The following FOXP2 variants were observed in gnomAD, a reference collection of about 807,000 sequenced individuals.
The protein encoded by FOXP2 is forkhead box protein P2.
A neutral mutation model predicts 115.8 loss-of-function variants in FOXP2; 12 were observed. The ratio of observed to expected loss-of-function variants is 0.10; its 90% CI spans 0.07 to 0.17. The LOEUF is 0.17. FOXP2 is among the 10% of genes least tolerant of loss of function. The pLI is 1.00. For synonymous variants in FOXP2, 328 were observed against 297.7 expected, an observed-to-expected ratio of 1.10 and a Z score of -1.05; for missense variants, 629 against 843.5, an observed-to-expected ratio of 0.75 and a Z score of 3.15.
rs532254575 is a variant in FOXP2 at position 114,370,757 on chromosome 7, T to C, written c.-10-55745T>C. On this transcript the variant is annotated intron_variant, in intron 2 of 17. Coordinates refer to the FOXP2 transcript ENST00000634411. ...TCAATAACAATGCTAAATTTGTGGT[T>C]CTTTTAAATATTTTTGTTTTTTTAC... Among the ~76,000 whole-genome samples, 3 of 152,350 alleles carry C rather than the reference T, an allele frequency of 2.0e-5. No individual in the cohort carries two copies. The South Asian group carries it at 6.2e-4, about 32-fold the overall frequency.
chr7:114,548,767 A>T lies in FOXP2; in HGVS notation c.258+14061A>T, dbSNP rs1800057672. ...TTACTGCTGAATGTTGGCAGTGCTG[A>T]TGAGGGATTCTGATGGAACATATGT... On this transcript the variant is annotated intron_variant, in intron 3 of 16. Transcript: ENST00000350908. Among the ~76,000 whole-genome samples, 5 of 152,196 alleles carry T rather than the reference A, an allele frequency of 3.3e-5. 1 individual carries two copies. The South Asian group carries it at 1.0e-3, about 31-fold the overall frequency.
At chr7:114,267,496 A>G (rs1795921908) in intron 1 of FOXP2, among the ~76,000 whole-genome samples, 1 of 151,966 alleles carries the variant, frequency 6.6e-6, no homozygotes, top group South Asian at 2.1e-4. Flanking sequence ...TGGGAGGCCA[A>G]GGCAAGCAGA....
rs116217198 is a variant in FOXP2, at chr7:114,602,995, A to T, written c.259-25545A>T. Among the ~76,000 whole-genome samples, 1,522 of 152,288 alleles carry T rather than the reference A, an allele frequency of 1.0e-2. 19 individuals carry two copies. The highest frequency in any genetic ancestry group is 0.035 in the African/African-American group (1,450 of 41,574). ...ATAACACAAAAACGTTATGTTGACA[A>T]CTTGAGTACAAGACAATCATATTCT... On this transcript the variant is annotated intron_variant, in intron 3 of 16. Transcript: ENST00000350908.
At chr7:114,219,623 A>T (rs1238080215) in intron 1 of FOXP2, among the ~76,000 whole-genome samples, 1 of 152,078 alleles carries the variant, frequency 6.6e-6, no homozygotes, top group Non-Finnish European at 1.5e-5. Context: ...ATTTGTTTTT[A>T]TTAACAAGAC....
chr7:114,598,742 A>G (rs572394231), intron 3 of FOXP2, among the ~76,000 whole-genome samples: 2 of 152,246 alleles, frequency 1.3e-5, no homozygotes, highest in East Asian at 3.9e-4. Flanking sequence ...CCCATTAACA[A>G]CAAAAAGTAA....
intron 1 of FOXP2, among the ~76,000 whole-genome samples, chr7:114,235,917 A>G (rs753970401): frequency 6.6e-6 from 1 of 152,200 alleles, no homozygotes; most frequent in East Asian, 1.9e-4. Context: ...TTGATTTCCA[A>G]CTGGAAATAA....
intron 1 of FOXP2, among the ~76,000 whole-genome samples, chr7:114,150,706 A>C (rs1393764766): frequency 2.6e-5 from 4 of 152,056 alleles, no homozygotes; most frequent in Admixed American, 2.6e-4. Context: ...GAAAACTTTC[A>C]AAACTTCTTA....
At chr7:114,566,089 T>C (rs1483991268) in intron 3 of FOXP2, among the ~76,000 whole-genome samples, 1 of 152,120 alleles carries the variant, frequency 6.6e-6, no homozygotes, top group East Asian at 1.9e-4. Flanking sequence ...ACAGTTTCCA[T>C]CAGATATGAT....
intron 2 of FOXP2, among the ~76,000 whole-genome samples, chr7:114,330,874 T>C (rs1253511301): frequency 6.6e-6 from 1 of 152,214 alleles, no homozygotes; most frequent in Non-Finnish European, 1.5e-5. Context: ...GCACTGTTTA[T>C]AACAACAACT....
At chr7:114,688,247 A>ACAC in intron 16 of FOXP2, among the ~76,000 whole-genome samples, 1 of 71,570 alleles carries the variant, frequency 1.4e-5, no homozygotes, top group Non-Finnish European at 4.3e-5. Context: ...ACACACACAC[A>ACAC]TCTTTTTTTT....
At chr7:114,191,479 G>A (rs1467273478) in intron 1 of FOXP2, among the ~76,000 whole-genome samples, 1 of 152,162 alleles carries the variant, frequency 6.6e-6, no homozygotes, top group Non-Finnish European at 1.5e-5. Context: ...TTTCTCGAGA[G>A]ACGCATATAT....
chr7:114,498,796 T>TG (rs1054625870), intron 2 of FOXP2: 2 of 708,970 alleles, frequency 2.8e-6, no homozygotes, highest in Admixed American at 4.2e-5. Flanking sequence ...ATAATTTTTT[T>TG]GGGGGTATAT....
At chr7:114,397,146 G>A (rs1161617953) in intron 2 of FOXP2, among the ~76,000 whole-genome samples, 1 of 152,056 alleles carries the variant, frequency 6.6e-6, no homozygotes, top group Non-Finnish European at 1.5e-5. Flanking sequence ...ATTCGGAATA[G>A]TGAAGAGATT....
At chr7:114,676,475 T>A (rs192928354) in intron 16 of FOXP2, among the ~76,000 whole-genome samples, 68 of 152,260 alleles carry the variant, frequency 4.5e-4, no homozygotes, top group African/African-American at 1.6e-3. Context: ...TGAAATAAAA[T>A]CAGTTTCCAT....
intron 1 of FOXP2, among the ~76,000 whole-genome samples, chr7:114,197,434 C>T (rs1258569790): frequency 6.6e-6 from 1 of 152,176 alleles, no homozygotes; most frequent in Non-Finnish European, 1.5e-5. Flanking sequence ...AAGTGCAACT[C>T]TGAGTTTGAG....
At chr7:114,626,502 T>A (rs940366323) in intron 3 of FOXP2, among the ~76,000 whole-genome samples, 2 of 151,632 alleles carry the variant, frequency 1.3e-5, no homozygotes, top group African/African-American at 2.4e-5. Context: ...GACAAGCTTC[T>A]TATCTATGAT....
At chr7:114,655,280 C>A (rs981724711) in intron 10 of FOXP2, among the ~76,000 whole-genome samples, 1 of 152,006 alleles carries the variant, frequency 6.6e-6, no homozygotes, top group African/African-American at 2.4e-5. Context: ...TGTTCTTTTC[C>A]AATTAATTAT....
chr7:114,643,802 T>C (rs982254930), intron 7 of FOXP2, among the ~76,000 whole-genome samples: 1 of 152,208 alleles, frequency 6.6e-6, no homozygotes, highest in Non-Finnish European at 1.5e-5. Flanking sequence ...GGCTTATATA[T>C]AGCTCCAAAC....
intron 1 of FOXP2, among the ~76,000 whole-genome samples, chr7:114,207,893 G>A (rs1315736892): frequency 6.6e-6 from 1 of 152,224 alleles, no homozygotes; most frequent in African/African-American, 2.4e-5. Context: ...AGATATGGTG[G>A]CTCACGCCTA....
Sources: gnomAD v4.1 joint callset for allele counts (sites outside exome capture counted in the v4.1 genomes callset) on GRCh38, gnomAD v4.1.1 for gene constraint, MANE v1.5 for transcripts, NCBI Gene and HGNC (gene_info 2026-07-23, HGNC 2026-07-21) for gene names.